Variants in ATXN7L1 observed in about 807,000 individuals in gnomAD.
ATXN7L1 encodes the protein ataxin-7-like protein 1.
ATXN7L1 carries 15 observed loss-of-function variants against 70.8 expected under a neutral mutation model. The ratio of observed to expected loss-of-function variants is 0.21; its 90% CI spans 0.14 to 0.33. ATXN7L1 has a LOEUF of 0.33. Among genes scored for constraint, ATXN7L1 ranks in the 10% least tolerant of loss-of-function variants. The pLI, the probability that ATXN7L1 is intolerant of heterozygous loss-of-function variation, is 1.00. For synonymous variants in ATXN7L1, 440 were observed against 445.1 expected (o/e 0.99, Z 0.14); for missense variants, 975 against 1,097.1 (o/e 0.89, Z 1.57).
At chr7:105,694,886 C>G (rs558422646) in intron 3 of ATXN7L1, among the ~76,000 whole-genome samples, 2 of 152,246 alleles carry the variant, frequency 1.3e-5, no homozygotes, top group Non-Finnish European at 2.9e-5. Context: ...GGCACGGTGG[C>G]TCACACCTGT....
intron 4 of ATXN7L1, among the ~76,000 whole-genome samples, chr7:105,648,430 G>A (rs150843931): frequency 4.1e-4 from 63 of 152,284 alleles, no homozygotes; most frequent in Admixed American, 1.7e-3. Context: ...GCTAGCCATC[G>A]GGCCAGCCTT....
intron 2 of ATXN7L1, among the ~76,000 whole-genome samples, chr7:105,844,580 C>T (rs566118391): frequency 3.6e-4 from 55 of 152,216 alleles, no homozygotes; most frequent in Non-Finnish European, 6.2e-4. Flanking sequence ...ACTTTTTCAA[C>T]TTGATAAAGT....
At chr7:105,646,301 C>T (rs1458890380) in intron 4 of ATXN7L1, among the ~76,000 whole-genome samples, 1 of 152,000 alleles carries the variant, frequency 6.6e-6, no homozygotes, top group South Asian at 2.1e-4. Context: ...TCTCAACTCC[C>T]CCCTGACCCC....
intron 7 of ATXN7L1, among the ~76,000 whole-genome samples, chr7:105,624,475 C>A (rs1212658224): frequency 6.6e-6 from 1 of 151,958 alleles, no homozygotes; most frequent in Non-Finnish European, 1.5e-5. Context: ...CATGGTGAAA[C>A]CCCGTCTCTA....
At chr7:105,735,424 C>T (rs949174989) in intron 3 of ATXN7L1, among the ~76,000 whole-genome samples, 11 of 152,086 alleles carry the variant, frequency 7.2e-5, no homozygotes, top group Non-Finnish European at 7.4e-5. Context: ...ATTTTTTTAA[C>T]ATGGTAAGGC....
intron 3 of ATXN7L1, among the ~76,000 whole-genome samples, chr7:105,705,773 A>G (rs1042575219): frequency 2.6e-4 from 40 of 152,228 alleles, no homozygotes; most frequent in African/African-American, 9.4e-4. Flanking sequence ...ATCTAGCTCA[A>G]ACATTAGCGC....
At chr7:105,717,137 T>G (rs1584815334) in intron 3 of ATXN7L1, among the ~76,000 whole-genome samples, 3 of 152,172 alleles carry the variant, frequency 2.0e-5, no homozygotes, top group Non-Finnish European at 4.4e-5. Flanking sequence ...TAAATTTATT[T>G]ATTTTTTTGA....
intron 2 of ATXN7L1, among the ~76,000 whole-genome samples, chr7:105,815,098 A>C (rs754026669): frequency 1.5e-4 from 23 of 152,208 alleles, no homozygotes; most frequent in Non-Finnish European, 2.5e-4. Flanking sequence ...CAGGGAAAAG[A>C]TGTGAAATCA....
intron 2 of ATXN7L1, among the ~76,000 whole-genome samples, chr7:105,805,537 T>C (rs2116525681): frequency 6.6e-6 from 1 of 152,248 alleles, no homozygotes; most frequent in South Asian, 2.1e-4. Context: ...TACAGAGAAA[T>C]GAATGCGATG....
chr7:105,787,138 A>G (rs1386957699), intron 3 of ATXN7L1, among the ~76,000 whole-genome samples: 1 of 152,150 alleles, frequency 6.6e-6, no homozygotes, highest in East Asian at 1.9e-4. Flanking sequence ...TTTGGTACAG[A>G]GCACTAGGCA....
chr7:105,734,474 G>C (rs1462673792), intron 3 of ATXN7L1, among the ~76,000 whole-genome samples: 4 of 152,158 alleles, frequency 2.6e-5, no homozygotes, highest in Non-Finnish European at 5.9e-5. Context: ...AGGCAGCCCA[G>C]CTCCCGTCAA....
At chr7:105,780,100 T>G (rs1376108346) in intron 3 of ATXN7L1, among the ~76,000 whole-genome samples, 1 of 152,122 alleles carries the variant, frequency 6.6e-6, no homozygotes, top group Admixed American at 6.5e-5. Flanking sequence ...AGGGACTAAC[T>G]CTCTCTAGGG....
chr7:105,846,921 C>T (rs556616481), intron 2 of ATXN7L1, among the ~76,000 whole-genome samples: 1 of 152,232 alleles, frequency 6.6e-6, no homozygotes, highest in East Asian at 1.9e-4. Context: ...TCCATAGAGA[C>T]AGAAAGTTGA....
intron 2 of ATXN7L1, among the ~76,000 whole-genome samples, chr7:105,797,683 A>G (rs1806194187): frequency 6.6e-6 from 1 of 152,260 alleles, no homozygotes; most frequent in African/African-American, 2.4e-5. Flanking sequence ...GATATAAAAA[A>G]TAGAACATGT....
At chr7:105,708,496 C>A (rs1456071518) in intron 3 of ATXN7L1, among the ~76,000 whole-genome samples, 3 of 152,110 alleles carry the variant, frequency 2.0e-5, no homozygotes, top group African/African-American at 7.2e-5. Flanking sequence ...ATTTTTGCCC[C>A]ATTAAAATAA....
At chr7:105,832,102 T>A (rs541058269) in intron 2 of ATXN7L1, among the ~76,000 whole-genome samples, 1 of 152,156 alleles carries the variant, frequency 6.6e-6, no homozygotes, top group Non-Finnish European at 1.5e-5. Flanking sequence ...GGAGGGCCTA[T>A]TGAAGAAATA....
intron 3 of ATXN7L1, among the ~76,000 whole-genome samples, chr7:105,697,794 A>T (rs1281775602): frequency 6.6e-6 from 1 of 152,348 alleles, no homozygotes; most frequent in East Asian, 1.9e-4. Context: ...AAATGTCCAT[A>T]AAATCTTCAC....
At chr7:105,660,368 C>G (rs991638751) in intron 4 of ATXN7L1, among the ~76,000 whole-genome samples, 2 of 152,102 alleles carry the variant, frequency 1.3e-5, no homozygotes, top group African/African-American at 4.8e-5. Flanking sequence ...ACTCCCCTAC[C>G]CAGTTTCACA....
chr7:105,867,866 G>C (rs1193256638), intron 2 of ATXN7L1, among the ~76,000 whole-genome samples: 1 of 152,222 alleles, frequency 6.6e-6, no homozygotes, highest in Admixed American at 6.5e-5. Flanking sequence ...ACTTGGGGGA[G>C]GGGAGGGAGA....
Sources: gnomAD v4.1 joint callset for allele counts (sites outside exome capture counted in the v4.1 genomes callset) on GRCh38, gnomAD v4.1.1 for gene constraint, MANE v1.5 for transcripts, NCBI Gene and HGNC (gene_info 2026-07-23, HGNC 2026-07-21) for gene names.